Variants in BLTP1 observed in about 807,000 individuals in gnomAD.
BLTP1 encodes the protein fragile site-associated protein.
the BLTP1 span, chr4:122,255,390 T>C: frequency 1.0e-5 from 8 of 796,912 alleles, no homozygotes; most frequent in Admixed American, 1.7e-4. Context: ...AATACAAGTC[T>C]ATAGGCCTGT....
the BLTP1 span, among the ~76,000 whole-genome samples, chr4:122,235,969 G>A: frequency 6.6e-6 from 1 of 152,168 alleles, no homozygotes; most frequent in Non-Finnish European, 1.5e-5. Context: ...TTAGTTCTGT[G>A]TTCCTATGAT....
chr4:122,184,832 C>A, the BLTP1 span: 5 of 985,306 alleles, frequency 5.1e-6, no homozygotes, highest in Non-Finnish European at 4.8e-6. Flanking sequence ...CAAAACTTAG[C>A]CTTTGTTCAA....
chr4:122,225,726 A>G, the BLTP1 span: 1 of 152,168 alleles, frequency 6.6e-6, no homozygotes, highest in Non-Finnish European at 1.5e-5. Flanking sequence ...AAAGAAATGC[A>G]TAATGGAATG....
chr4:122,187,595 G>GAA, the BLTP1 span: 59 of 1,380,280 alleles, frequency 4.3e-5, no homozygotes, highest in African/African-American at 8.0e-4. Context: ...TTTAATGTAA[G>GAA]AAAATTAAAT....
the BLTP1 span, chr4:122,302,303 C>G: frequency 2.1e-6 from 2 of 953,016 alleles, no homozygotes; most frequent in Admixed American, 6.2e-5. Flanking sequence ...ACAGGCATAC[C>G]TTGTTTTATT....
chr4:122,350,907 G>T, the BLTP1 span, among the ~76,000 whole-genome samples: 1 of 152,094 alleles, frequency 6.6e-6, no homozygotes, highest in East Asian at 1.9e-4. Context: ...GTCTACTACA[G>T]GTAAGATTTT....
the BLTP1 span, among the ~76,000 whole-genome samples, chr4:122,198,820 C>A: frequency 6.6e-6 from 1 of 152,058 alleles, no homozygotes; most frequent in Non-Finnish European, 1.5e-5. Context: ...GAGCAGAATG[C>A]AGGATGCATG....
At chr4:122,204,386 A>C in the BLTP1 span, 1 of 881,910 alleles carries the variant, frequency 1.1e-6, no homozygotes, top group Non-Finnish European at 1.4e-6. Flanking sequence ...CCATTTACAA[A>C]GCATGTTCAC....
the BLTP1 span, among the ~76,000 whole-genome samples, chr4:122,153,786 T>A: frequency 2.6e-5 from 4 of 152,220 alleles, no homozygotes; most frequent in Non-Finnish European, 5.9e-5. Context: ...AAACTCATGC[T>A]CTTAAGTACA....
At chr4:122,348,599 A>C in the BLTP1 span, 41 of 1,607,388 alleles carry the variant, frequency 2.6e-5, no homozygotes, top group Non-Finnish European at 3.5e-5. Context: ...TCCTTTTAAC[A>C]AATCAAACAA....
At chr4:122,192,425 A>G in the BLTP1 span, 1 of 1,225,586 alleles carries the variant, frequency 8.2e-7, no homozygotes. Context: ...AGATGTATTT[A>G]GATGTATATA....
chr4:122,337,147 T>C, the BLTP1 span: 1 of 801,474 alleles, frequency 1.2e-6, no homozygotes. Context: ...TTTAGTATGT[T>C]TGTGATGGCT....
the BLTP1 span, chr4:122,234,949 A>T: frequency 7.4e-6 from 12 of 1,613,654 alleles, no homozygotes; most frequent in Non-Finnish European, 1.0e-5. Context: ...GCAGAGTCTG[A>T]TATGTATTAT....
chr4:122,241,843 T>A, the BLTP1 span, among the ~76,000 whole-genome samples: 1 of 152,144 alleles, frequency 6.6e-6, no homozygotes. Flanking sequence ...ATAGAATTAT[T>A]TCAGTATTTT....
At chr4:122,356,631 GAA>G in the BLTP1 span, 1 of 1,611,846 alleles carries the variant, frequency 6.2e-7, no homozygotes, top group Non-Finnish European at 8.5e-7. Flanking sequence ...ATGCCAGCCT[GAA>G]GCCAAAAGTA....
chr4:122,192,532 G>C, the BLTP1 span: 1 of 209,184 alleles, frequency 4.8e-6, no homozygotes. Context: ...AAACTTGCTT[G>C]TGGCTTCTCC....
At chr4:122,210,865 T>C in the BLTP1 span, 3 of 1,606,774 alleles carry the variant, frequency 1.9e-6, no homozygotes, top group Non-Finnish European at 2.6e-6. Flanking sequence ...ACATTAGTCT[T>C]TTTTTTCTTA....
chr4:122,293,156 C>G, the BLTP1 span: 3 of 980,220 alleles, frequency 3.1e-6, no homozygotes, highest in Non-Finnish European at 1.2e-6. Context: ...TTATGCCATA[C>G]TATGAAATAA....
chr4:122,341,702 A>G, the BLTP1 span: 12 of 985,060 alleles, frequency 1.2e-5, no homozygotes, highest in Non-Finnish European at 1.4e-5. Flanking sequence ...CATTCTTTCA[A>G]AGGATCTTTA....
Sources: allele counts gnomAD v4.1 joint callset (sites outside exome capture counted in the v4.1 genomes callset), GRCh38; gene constraint gnomAD v4.1.1; transcripts MANE v1.5; gene names NCBI Gene and HGNC (gene_info 2026-07-23, HGNC 2026-07-21).